Variants in AGBL4 observed in about 807,000 individuals in gnomAD.
The protein encoded by AGBL4 is cytosolic carboxypeptidase 6.
A neutral mutation model predicts 66.4 loss-of-function variants in AGBL4; 58 were observed. The observed-to-expected ratio is 0.87, with a 90% CI of 0.71 to 1.09. The LOEUF is 1.09. Ranked by LOEUF, AGBL4 falls within the 50% of genes least tolerant of loss-of-function variation. AGBL4 has a pLI of 0.00. For missense variants in AGBL4, 579 were observed against 631.0 expected (o/e 0.92, Z 0.88); for synonymous variants, 234 against 222.9 (o/e 1.05, Z -0.44).
At chr1:48,523,309 C>G in the AGBL4 span, among the ~76,000 whole-genome samples, 1 of 152,202 alleles carries the variant, frequency 6.6e-6, no homozygotes, top group African/African-American at 2.4e-5. Flanking sequence ...TATTGTATGG[C>G]TACAGAATGG....
At chr1:49,875,294 T>A (rs1027210641) in intron 1 of AGBL4, among the ~76,000 whole-genome samples, 1 of 125,748 alleles carries the variant, frequency 8.0e-6, no homozygotes, top group African/African-American at 3.0e-5. Flanking sequence ...CTCCCAATGC[T>A]ATCCCTCCCC....
At chr1:48,749,949 G>A (rs1651413217) in intron 6 of AGBL4, among the ~76,000 whole-genome samples, 2 of 152,166 alleles carry the variant, frequency 1.3e-5, no homozygotes, top group South Asian at 2.1e-4. Flanking sequence ...AAGTGGGGTG[G>A]GCAGCATAAG....
Position 48,588,872 on chromosome 1 carries a change from G to A in AGBL4, c.1105-1706C>T, listed in dbSNP as rs188131466. Among the ~76,000 whole-genome samples the A allele has an allele frequency of 4.2e-4, 64 of 152,086 alleles. No individual in the cohort carries two copies. In the East Asian group the frequency reaches 0.011, roughly 27 times the overall value. On this transcript the variant is annotated intron_variant, in intron 10 of 13. Transcript: ENST00000371839. ...GAAGAGAAGAGAAGGGAAGAGAAGA[G>A]ACAGCAATTGGACCAGGACAGATGA...
At chr1:49,010,063 C>G (rs1461620960) in intron 5 of AGBL4, among the ~76,000 whole-genome samples, 6 of 152,090 alleles carry the variant, frequency 3.9e-5, no homozygotes. Context: ...AAAGGGTATT[C>G]AATTAGGAAA....
At chr1:49,256,041 A>G (rs1327664960) in intron 3 of AGBL4, among the ~76,000 whole-genome samples, 1 of 152,164 alleles carries the variant, frequency 6.6e-6, no homozygotes, top group Non-Finnish European at 1.5e-5. Context: ...AATCGGGAAA[A>G]ATAACTAATG....
In AGBL4 at chr1:49,650,135, G is replaced by A. The variant is rs542436530; in HGVS notation, c.282+47178C>T. ...TCCTTGTTCTTTTTTTCCCCAAGATGGCTGAATAGAGACATCAGATGCCAA... is the reference window on the plus strand; with the variant it reads ...TCCTTGTTCTTTTTTTCCCCAAGATAGCTGAATAGAGACATCAGATGCCAA... On this transcript the variant is annotated intron_variant, in intron 3 of 13. Transcript: ENST00000371839. Among the ~76,000 whole-genome samples the A allele has an allele frequency of 2.0e-5, 3 of 152,168 alleles. No individual in the cohort carries two copies. The South Asian group carries it at 6.2e-4, about 32-fold the overall frequency.
chr1:49,115,042 C>T (rs1645488175), intron 4 of AGBL4, among the ~76,000 whole-genome samples: 1 of 151,868 alleles, frequency 6.6e-6, no homozygotes, highest in Non-Finnish European at 1.5e-5. Flanking sequence ...TGTCACAAAC[C>T]TTAAATTTGA....
chr1:49,222,601 T>C (rs1443846023), intron 4 of AGBL4, among the ~76,000 whole-genome samples: 1 of 152,218 alleles, frequency 6.6e-6, no homozygotes, highest in East Asian at 1.9e-4. Context: ...AACATTTTTT[T>C]AAGATTGTTT....
At position 49,381,385 on chromosome 1, in the gene AGBL4, G is replaced by T. The variant is rs368435576; in HGVS notation, c.283-135521C>A. ...GGATGTGGAGAAATAGGAACACTTT[G>T]ACACTGTTGGTGGGACTGTAAACTA... On this transcript the variant is annotated intron_variant, in intron 3 of 13. Coordinates refer to ENST00000371839, the MANE Select transcript of AGBL4 (RefSeq NM_032785.4). 3.3e-3 allele frequency among the ~76,000 whole-genome samples: 510 copies of T among 152,244 alleles called. 2 individuals carry two copies. The highest frequency in any genetic ancestry group is 0.01 in the South Asian group (50 of 4,826).
intron 6 of AGBL4, among the ~76,000 whole-genome samples, chr1:48,765,554 C>T (rs960379971): frequency 8.5e-5 from 13 of 152,148 alleles, no homozygotes; most frequent in East Asian, 1.9e-4. Flanking sequence ...CCAGCAATTC[C>T]GCTCCTGGGT....
chr1:48,679,436 C>T (rs147064289), intron 6 of AGBL4, among the ~76,000 whole-genome samples: 2 of 152,286 alleles, frequency 1.3e-5, no homozygotes, highest in East Asian at 3.9e-4. Context: ...GAAGCCTGCT[C>T]AGTACAACCA....
At chr1:49,272,782 ACTGT>A (rs538325811) in intron 3 of AGBL4, among the ~76,000 whole-genome samples, 105 of 152,286 alleles carry the variant, frequency 6.9e-4, no homozygotes, top group African/African-American at 2.3e-3. Context: ...CTGTTTATAT[ACTGT>A]CTGTCTGATA....
intron 9 of AGBL4, among the ~76,000 whole-genome samples, chr1:48,631,155 AG>A (rs926015428): frequency 2.0e-5 from 3 of 152,184 alleles, no homozygotes; most frequent in African/African-American, 7.2e-5. Context: ...TTTAGAAAAA[AG>A]CCCAGAAGTT....
intron 3 of AGBL4, among the ~76,000 whole-genome samples, chr1:49,551,186 T>G (rs1652922577): frequency 6.6e-6 from 1 of 152,200 alleles, no homozygotes; most frequent in African/African-American, 2.4e-5. Flanking sequence ...TGAATATTTC[T>G]CCCTTCACTT....
At chr1:49,720,884 A>T (rs28428725) in intron 2 of AGBL4, among the ~76,000 whole-genome samples, 21 of 152,162 alleles carry the variant, frequency 1.4e-4, no homozygotes, top group Non-Finnish European at 2.4e-4. Flanking sequence ...GTTACACTTG[A>T]AGGATGAGTA....
At chr1:49,351,526 A>G (rs1196778222) in intron 3 of AGBL4, among the ~76,000 whole-genome samples, 2 of 152,104 alleles carry the variant, frequency 1.3e-5, no homozygotes, top group African/African-American at 4.8e-5. Context: ...ACTATTCTAA[A>G]GCTTATTCAT....
intron 3 of AGBL4, among the ~76,000 whole-genome samples, chr1:49,286,768 G>A (rs375897155): frequency 7.9e-5 from 12 of 152,112 alleles, no homozygotes; most frequent in South Asian, 6.2e-4. Flanking sequence ...AATCAATATC[G>A]TGAAAATGGC....
chr1:49,468,099 T>C (rs1646666701), intron 3 of AGBL4, among the ~76,000 whole-genome samples: 1 of 151,860 alleles, frequency 6.6e-6, no homozygotes, highest in Non-Finnish European at 1.5e-5. Context: ...ACAACATAGG[T>C]AACATAGGTT....
intron 4 of AGBL4, among the ~76,000 whole-genome samples, chr1:49,121,194 GA>G (rs1203665973): frequency 6.6e-6 from 1 of 152,164 alleles, no homozygotes; most frequent in Admixed American, 6.5e-5. Flanking sequence ...CCAACCTTCT[GA>G]AGGCTACTTC....
Sources: allele counts gnomAD v4.1 joint callset (sites outside exome capture counted in the v4.1 genomes callset), GRCh38; gene constraint gnomAD v4.1.1; transcripts MANE v1.5; gene names NCBI Gene and HGNC (gene_info 2026-07-23, HGNC 2026-07-21).